Variants in HDX observed in about 807,000 individuals in gnomAD.
HDX encodes the protein highly divergent homeobox, also known as chromosome X open reading frame 43.
A neutral mutation model predicts 45.2 loss-of-function variants in HDX; 19 were observed. The observed-to-expected ratio is 0.42, with a 90% confidence interval of 0.29 to 0.62. The LOEUF (loss-of-function observed/expected upper bound fraction) is 0.62, where lower values mean the gene tolerates loss of function less well. HDX is among the 20% of genes least tolerant of loss of function. HDX has a pLI of 0.20. For missense variants in HDX, 532 were observed against 493.9 expected (o/e 1.08, Z -0.73); for synonymous variants, 188 against 172.8 (o/e 1.09, Z -0.69).
intron 4 of HDX, among the ~76,000 whole-genome samples, chrX:84,459,391 G>A (rs1054283791): frequency 1.8e-5 from 2 of 109,217 alleles, no homozygotes; most frequent in Non-Finnish European, 3.8e-5. Context: ...GCAGTGAGCC[G>A]AGATCATGTC....
intron 2 of HDX, among the ~76,000 whole-genome samples, chrX:84,481,857 G>C (rs1428653056): frequency 9.0e-6 from 1 of 111,085 alleles, no homozygotes; most frequent in African/African-American, 3.3e-5. Context: ...TTCAAATCTT[G>C]ACTGCCTCCA....
chrX:84,453,931 C>T (rs1001366765), intron 4 of HDX, among the ~76,000 whole-genome samples: 1 of 111,692 alleles, frequency 9.0e-6, no homozygotes, highest in Admixed American at 9.4e-5. Context: ...GGCTCCTATT[C>T]CAGGGCCTAG....
At chrX:84,474,756 C>A (rs1414115361) in intron 3 of HDX, among the ~76,000 whole-genome samples, 1 of 112,096 alleles carries the variant, frequency 8.9e-6, no homozygotes, top group Non-Finnish European at 1.9e-5. Flanking sequence ...AAAATTTATT[C>A]TCTTAAGAGT....
chrX:84,327,913 T>C (rs769832076), intron 9 of HDX, among the ~76,000 whole-genome samples: 15 of 111,266 alleles, frequency 1.3e-4, no homozygotes, highest in Non-Finnish European at 2.8e-4. Context: ...CACCTTGAAC[T>C]ACTGTGCTCA....
rs748836784 is a variant in HDX, at chrX:84,367,661, C to T, written c.1306-6049G>A. Among the ~76,000 whole-genome samples the T allele has an allele frequency of 2.7e-5, 3 of 112,138 alleles. No individual in the cohort carries two copies. In the Admixed American group the frequency reaches 2.8e-4, roughly 11 times the overall value. ...TGTGGCACATATATACCATGGAATA[C>T]AAGGCAGCCATAAAAAAGGATGAGT... On this transcript the variant is annotated intron_variant, in intron 5 of 10. Coordinates refer to ENST00000373177, the MANE Select transcript of HDX (RefSeq NM_001177479.2).
In HDX at chrX:84,436,783, G is replaced by C. The variant is rs543670799; in HGVS notation, c.1305+3749C>G. The stretch of plus-strand genomic sequence containing the variant: ...GTGAATACACCATGTGCTGATTAAT[G>C]TGTATTCTGCAGCCGTTGGATGAAA... On this transcript the variant is annotated intron_variant, in intron 5 of 10. Coordinates refer to ENST00000373177, the MANE Select transcript of HDX (RefSeq NM_001177479.2). 1.5e-4 allele frequency among the ~76,000 whole-genome samples: 17 copies of C among 110,393 alleles called. No homozygotes were observed. In the Middle Eastern group the frequency reaches 0.014, roughly 91 times the overall value.
intron 5 of HDX, among the ~76,000 whole-genome samples, chrX:84,427,128 G>T (rs1302077985): frequency 1.8e-5 from 2 of 110,023 alleles, no homozygotes; most frequent in Non-Finnish European, 3.8e-5. Context: ...TTTTATCATA[G>T]TAGTTCTTTG....
chrX:84,333,675 T>C (rs2036893228), intron 9 of HDX, 84 bp downstream of exon 9: 1 of 430,256 alleles, frequency 2.3e-6, no homozygotes. Flanking sequence ...GCTTAACTTA[T>C]TAAATAGGAG....
chrX:84,415,287 G>A (rs1602412592), intron 5 of HDX, among the ~76,000 whole-genome samples: 1 of 112,009 alleles, frequency 8.9e-6, no homozygotes, highest in South Asian at 3.7e-4. Context: ...TGCCAATAGT[G>A]CACACCAGAG....
At chrX:84,445,524 A>G (rs2039853590) in intron 4 of HDX, among the ~76,000 whole-genome samples, 1 of 110,976 alleles carries the variant, frequency 9.0e-6, no homozygotes, top group Admixed American at 9.7e-5. Flanking sequence ...TAACTTGGGC[A>G]TTTATTATTC....
chrX:84,479,054 T>C (rs2040614188), intron 2 of HDX, among the ~76,000 whole-genome samples: 1 of 112,083 alleles, frequency 8.9e-6, no homozygotes, highest in South Asian at 3.7e-4. Context: ...ATTAATATTG[T>C]ACTTTTTATC....
chrX:84,445,215 G>C (rs1325412511), intron 4 of HDX, among the ~76,000 whole-genome samples: 1 of 111,718 alleles, frequency 9.0e-6, no homozygotes, highest in African/African-American at 3.2e-5. Flanking sequence ...TTTTATGTGA[G>C]CCAGGAAAAT....
intron 7 of HDX, among the ~76,000 whole-genome samples, 198 bp downstream of exon 7, chrX:84,344,052 T>C (rs1013866969): frequency 9.0e-6 from 1 of 111,689 alleles, no homozygotes; most frequent in Admixed American, 9.6e-5. Context: ...GAGATTATTA[T>C]TGTTGTTGAT....
chrX:84,409,255 A>T (rs182471603), intron 5 of HDX, among the ~76,000 whole-genome samples: 79 of 111,097 alleles, frequency 7.1e-4, no homozygotes, highest in Middle Eastern at 4.7e-3. Context: ...AGAAATAGGG[A>T]CACTTTTACA....
intron 7 of HDX, 72 bp downstream of exon 7, chrX:84,344,178 A>G (rs1569284274): frequency 1.2e-6 from 1 of 817,796 alleles, no homozygotes; most frequent in East Asian, 3.2e-5. Flanking sequence ...GAAATGCAGT[A>G]AACTGAAAAT....
intron 4 of HDX, among the ~76,000 whole-genome samples, chrX:84,454,673 C>G (rs1390403687): frequency 9.0e-6 from 1 of 111,128 alleles, no homozygotes; most frequent in Non-Finnish European, 1.9e-5. Context: ...GAAAAGGACA[C>G]AAGCCTGGGT....
At chrX:84,417,050 A>G (rs1256099452) in intron 5 of HDX, among the ~76,000 whole-genome samples, 2 of 109,559 alleles carry the variant, frequency 1.8e-5, no homozygotes, top group Non-Finnish European at 3.8e-5. Context: ...GCTACTAAGG[A>G]GCTTGAGGCA....
intron 5 of HDX, among the ~76,000 whole-genome samples, chrX:84,399,530 G>T (rs1344798403): frequency 9.0e-6 from 1 of 110,776 alleles, no homozygotes; most frequent in Non-Finnish European, 1.9e-5. Context: ...TCTATTCCCT[G>T]AATAGACCAA....
intron 9 of HDX, among the ~76,000 whole-genome samples, chrX:84,329,195 C>A (rs2036787967): frequency 9.0e-6 from 1 of 111,620 alleles, no homozygotes; most frequent in Non-Finnish European, 1.9e-5. Context: ...TCAGTGATTC[C>A]AAACGGGAGG....
Sources: allele counts gnomAD v4.1 joint callset (sites outside exome capture counted in the v4.1 genomes callset), GRCh38; gene constraint gnomAD v4.1.1; transcripts MANE v1.5; gene names NCBI Gene and HGNC (gene_info 2026-07-23, HGNC 2026-07-21).